The following CBFA2T3 variants were observed in gnomAD, a reference collection of about 807,000 sequenced individuals.
CBFA2T3 encodes the protein transcriptional corepressor CBFA2T3.
A neutral mutation model predicts 58.6 loss-of-function variants in CBFA2T3; 31 were observed. The observed-to-expected ratio is 0.53, with a 90% CI of 0.40 to 0.71. The LOEUF is 0.71. Ranked by LOEUF, CBFA2T3 falls within the 30% of genes least tolerant of loss-of-function variation. CBFA2T3 has a pLI of 0.00. For missense variants in CBFA2T3, 1,076 were observed against 963.1 expected (o/e 1.12, Z -1.55); for synonymous variants, 531 against 421.9 (o/e 1.26, Z -3.17).
At chr16:88,881,598 C>G in intron 8 of CBFA2T3, 109 bp from the exon 9 acceptor site, 2 of 1,138,188 alleles carry the variant, frequency 1.8e-6, no homozygotes, top group Non-Finnish European at 1.2e-6. Context: ...CCCGACCAGC[C>G]CACCGCCCGT....
chr16:88,910,004 C>T (rs1405803336), intron 1 of CBFA2T3, among the ~76,000 whole-genome samples: 1 of 152,244 alleles, frequency 6.6e-6, no homozygotes, highest in Non-Finnish European at 1.5e-5. Flanking sequence ...ACGGCGGCTC[C>T]CCAGCTGCTT....
At chr16:88,926,641 G>A (rs547049895) in intron 1 of CBFA2T3, among the ~76,000 whole-genome samples, 3 of 152,348 alleles carry the variant, frequency 2.0e-5, no homozygotes, top group Admixed American at 1.3e-4. Context: ...GCTGCAGGGA[G>A]GCCCGAGGGC....
intron 5 of CBFA2T3, among the ~76,000 whole-genome samples, chr16:88,890,865 T>C (rs374980756): frequency 1.5e-4 from 23 of 152,282 alleles, no homozygotes; most frequent in African/African-American, 5.1e-4. Context: ...CATAGGTGCA[T>C]ACAACGCTCA....
intron 1 of CBFA2T3, chr16:88,937,943 ACT>A (rs1971561161): frequency 6.6e-6 from 1 of 152,224 alleles, no homozygotes; most frequent in Non-Finnish European, 1.5e-5. Flanking sequence ...TTCTATGAAC[ACT>A]GGATGCCATG....
chr16:88,881,235 G>A, intron 9 of CBFA2T3, 56 bp downstream of exon 9: 2 of 1,477,248 alleles, frequency 1.4e-6, no homozygotes, highest in Non-Finnish European at 1.9e-6. Flanking sequence ...GCTCCCAGGT[G>A]TCCGCCCCAC....
At chr16:88,881,084 T>C (rs560482449) in intron 9 of CBFA2T3, 1 of 714,008 alleles carries the variant, frequency 1.4e-6, no homozygotes, top group African/African-American at 1.7e-5. Context: ...GCCTCCCAGC[T>C]CCGAGCCTCT....
chr16:88,890,339 G>A (rs892648275), intron 5 of CBFA2T3, among the ~76,000 whole-genome samples: 2 of 152,226 alleles, frequency 1.3e-5, no homozygotes, highest in Non-Finnish European at 2.9e-5. Flanking sequence ...CTGCTAAGTG[G>A]CAGGCTCGGG....
chr16:88,895,056 G>A (rs368257158), intron 3 of CBFA2T3, among the ~76,000 whole-genome samples: 8 of 152,184 alleles, frequency 5.3e-5, no homozygotes, highest in Non-Finnish European at 1.0e-4. Context: ...CTGTCTGGAC[G>A]GGAGGGAACA....
intron 1 of CBFA2T3, among the ~76,000 whole-genome samples, chr16:88,975,520 C>A (rs934962530): frequency 5.9e-5 from 9 of 152,262 alleles, no homozygotes; most frequent in African/African-American, 1.9e-4. Context: ...CAAGGCCACT[C>A]AGCGCCAGGG....
intron 1 of CBFA2T3, among the ~76,000 whole-genome samples, chr16:88,970,154 G>C (rs570583043): frequency 6.6e-6 from 1 of 152,006 alleles, no homozygotes; most frequent in Non-Finnish European, 1.5e-5. Flanking sequence ...CTCTGCAGCT[G>C]TCCTGGGCCG....
Position 88,879,370 on chromosome 16 carries a change from G to A in CBFA2T3, c.1562C>T (p.Thr521Ile), listed in dbSNP as rs775509249. 4 of 1,613,168 alleles carry A rather than the reference G, an allele frequency of 2.5e-6. No individual in the cohort carries two copies. The Admixed American group carries it at 5.0e-5, about 20-fold the overall frequency. ...CCGCTCCATCTTGGCACGCTCCGTG[G>A]TGATGAGCTCGTGCGCTTTGCGCTC... is the stretch of plus-strand genomic sequence containing the variant. ...DAERKAHELI[T>I]TERAKMERAL... Residue 521 changes from threonine to isoleucine, a missense_variant, in exon 11 of 12, where the codon ACC (threonine) becomes ATC (isoleucine). By Grantham distance (89) the Thr-to-Ile change is moderately conservative. Coordinates refer to ENST00000268679, the MANE Select transcript of CBFA2T3 (RefSeq NM_005187.6).
At position 88,920,337 on chromosome 16, in the gene CBFA2T3, C is replaced by T. The variant is rs561984332; in HGVS notation, c.152-18681G>A. Among the ~76,000 whole-genome samples, 13 of 152,286 alleles carry T rather than the reference C, an allele frequency of 8.5e-5. No individual in the cohort carries two copies. In the South Asian group the frequency reaches 2.7e-3, roughly 32 times the overall value. On this transcript the variant is annotated intron_variant, in intron 1 of 11. Transcript: ENST00000268679. ...TGTCACCCAGGCTGAAGTGCAGAGGCATGATCTCGCCTCACTGCAACCTCT... is the reference window on the plus strand; with the variant it reads ...TGTCACCCAGGCTGAAGTGCAGAGGTATGATCTCGCCTCACTGCAACCTCT...
Position 88,923,637 on chromosome 16 carries a change from G to A in CBFA2T3, c.152-21981C>T, listed in dbSNP as rs758232687. Among the ~76,000 whole-genome samples the A allele has an allele frequency of 2.0e-5, 3 of 152,246 alleles. No individual in the cohort carries two copies. In the East Asian group the frequency reaches 5.8e-4, roughly 29 times the overall value. ...AGGCTCTGCACAGCCCAGTCCTGGC[G>A]CGCAGCACAGCTCGGGGAGGGAGGC... On this transcript the variant is annotated intron_variant, in intron 1 of 11. Transcript: ENST00000268679.
At chr16:88,881,256 CGT>C (rs775388886) in intron 9 of CBFA2T3, 33 bp downstream of exon 9, 19 of 1,567,406 alleles carry the variant, frequency 1.2e-5, no homozygotes, top group South Asian at 6.7e-5. Context: ...CAGAGCACCC[CGT>C]GTCTGCTCCC....
intron 1 of CBFA2T3, among the ~76,000 whole-genome samples, chr16:88,941,437 G>A (rs1971727628): frequency 6.8e-6 from 1 of 147,108 alleles, no homozygotes; most frequent in Admixed American, 6.7e-5. Flanking sequence ...CCCGCCCGGC[G>A]CCCATGGCGC....
intron 1 of CBFA2T3, among the ~76,000 whole-genome samples, chr16:88,915,084 G>A (rs962665039): frequency 2.0e-5 from 3 of 151,512 alleles, no homozygotes; most frequent in South Asian, 2.1e-4. Flanking sequence ...TGGGGGTAGC[G>A]GGTCCCTTCT....
rs372754312 is a variant in CBFA2T3, at chr16:88,893,230, C to A, written c.380-745G>T. ...GCCCTGAGCAATGTGCCTCCCCACA[C>A]ACAGGCGCCTCCCAGCCCTGAGCAA... On this transcript the variant is annotated intron_variant, in intron 3 of 11. Transcript: ENST00000268679. Among the ~76,000 whole-genome samples the A allele has an allele frequency of 1.9e-4, 28 of 145,354 alleles. No homozygotes were observed. In the East Asian group the frequency reaches 5.7e-3, roughly 30 times the overall value.
intron 2 of CBFA2T3, among the ~76,000 whole-genome samples, chr16:88,900,139 C>T (rs889197396): frequency 1.3e-5 from 2 of 152,350 alleles, no homozygotes; most frequent in African/African-American, 2.4e-5. Flanking sequence ...TGCGGCGTCC[C>T]GACTCTCTGA....
At chr16:88,880,968 G>A in intron 9 of CBFA2T3, 180 bp from the exon 10 acceptor site, 1 of 675,938 alleles carries the variant, frequency 1.5e-6, no homozygotes, top group East Asian at 2.7e-5. Flanking sequence ...CCGGGCACGG[G>A]GGGCATTGGA....
Sources: allele counts gnomAD v4.1 joint callset (sites outside exome capture counted in the v4.1 genomes callset), GRCh38; gene constraint gnomAD v4.1.1; transcripts MANE v1.5; gene names NCBI Gene and HGNC (gene_info 2026-07-23, HGNC 2026-07-21).